The following ELP4 variants were observed in gnomAD, a reference collection of about 807,000 sequenced individuals.
The protein encoded by ELP4 is elongator acetyltransferase complex subunit 4.
Under a neutral mutation model 48.9 loss-of-function variants are expected in ELP4, and 51 were observed. The ratio of observed to expected loss-of-function variants is 1.04; its 90% CI spans 0.83 to 1.32. The LOEUF is 1.32. Ranked by LOEUF, ELP4 falls within the 40% of genes most tolerant of loss-of-function variation. The pLI is 0.00. For synonymous variants in ELP4, 210 were observed against 189.2 expected (o/e 1.11, Z -0.90); for missense variants, 519 against 514.6 (o/e 1.01, Z -0.08).
intron 9 of ELP4, among the ~76,000 whole-genome samples, chr11:31,656,145 G>A (rs1429865088): frequency 6.6e-6 from 1 of 152,048 alleles, no homozygotes; most frequent in East Asian, 1.9e-4. Context: ...CTTCCAAGAT[G>A]TGGTTGCATA....
Position 31,789,960 on chromosome 11 carries a change from A to C in ELP4, c.*6436A>C. The C allele has an allele frequency of 6.3e-7, 1 of 1,584,908 alleles. No individual in the cohort carries two copies. The highest frequency in any genetic ancestry group is 1.1e-5 in the South Asian group (1 of 89,182). ...TACTGTAATCTTGGCCAGTATTGAG[A>C]CATATCAGGTTCACTTCCGGGAACT... On this transcript the variant is annotated 3_prime_UTR_variant, in exon 10 of 10. Transcript: ENST00000640961.
chr11:31,719,386 A>T (rs1400864087), intron 9 of ELP4: 1 of 396,522 alleles, frequency 2.5e-6, no homozygotes, highest in African/African-American at 2.1e-5. Flanking sequence ...TAGATGAAAC[A>T]TCATTTGTCT....
In ELP4 at chr11:31,775,066, T is replaced by A. The variant is rs191677345; in HGVS notation, c.1144-8327T>A. On this transcript the variant is annotated intron_variant, in intron 9 of 9. Transcript: ENST00000640961. ...ATTTCAGCAAGTGGGAAGAGGGAAG[T>A]TAGATTCATCCCTAACATTCAAAGA... Among the ~76,000 whole-genome samples, 8 of 152,314 alleles carry A rather than the reference T, an allele frequency of 5.3e-5. 1 individual carries two copies. In the East Asian group the frequency reaches 1.5e-3, roughly 29 times the overall value.
At chr11:31,729,039 T>A (rs934385076) in intron 9 of ELP4, among the ~76,000 whole-genome samples, 7 of 152,128 alleles carry the variant, frequency 4.6e-5, no homozygotes, top group Non-Finnish European at 8.8e-5. Context: ...GAGGAGAAAA[T>A]TCTAAGGTAT....
chr11:31,648,909 C>G (rs1378717753), intron 8 of ELP4: 1 of 151,352 alleles, frequency 6.6e-6, no homozygotes, highest in Non-Finnish European at 1.5e-5. Flanking sequence ...TTAATTTATT[C>G]TATAAGGCCT....
chr11:31,697,581 T>A (rs192452149), intron 9 of ELP4, among the ~76,000 whole-genome samples: 1 of 152,240 alleles, frequency 6.6e-6, no homozygotes, highest in African/African-American at 2.4e-5. Context: ...AATAAAGTAT[T>A]TGTAGTCATT....
intron 9 of ELP4, among the ~76,000 whole-genome samples, chr11:31,743,279 C>CT (rs1947500491): frequency 6.6e-6 from 1 of 152,170 alleles, no homozygotes; most frequent in South Asian, 2.1e-4. Context: ...GAGACTTAGA[C>CT]TCCCACACAA....
chr11:31,709,903 A>T (rs1161038544), intron 9 of ELP4, among the ~76,000 whole-genome samples: 1 of 152,230 alleles, frequency 6.6e-6, no homozygotes, highest in African/African-American at 2.4e-5. Context: ...TGTATTGAGA[A>T]TGCTGTAGGA....
At chr11:31,747,965 A>T (rs183137688) in intron 9 of ELP4, among the ~76,000 whole-genome samples, 1 of 152,254 alleles carries the variant, frequency 6.6e-6, no homozygotes, top group Non-Finnish European at 1.5e-5. Flanking sequence ...AAGACAAAGC[A>T]TATTAAAGCT....
chr11:31,737,453 A>G (rs1005473099), intron 9 of ELP4, among the ~76,000 whole-genome samples: 3 of 151,990 alleles, frequency 2.0e-5, no homozygotes, highest in Non-Finnish European at 4.4e-5. Context: ...ATGTACCCTA[A>G]AACTTAAAGT....
chr11:31,639,243 G>A lies in ELP4; in HGVS notation c.927+6838G>A, dbSNP rs191443626. 1.1e-4 allele frequency among the ~76,000 whole-genome samples: 17 copies of A among 151,888 alleles called. No homozygotes were observed. The East Asian group carries it at 3.1e-3, about 28-fold the overall frequency. On this transcript the variant is annotated intron_variant, in intron 7 of 9. Transcript: ENST00000640961. ...TTAACGACTCTGAAATTGATTATAA[G>A]AAATTTACGTATTTAAGAGTTTAAA...
At chr11:31,559,009 A>T (rs1956974042) in intron 3 of ELP4, among the ~76,000 whole-genome samples, 1 of 152,312 alleles carries the variant, frequency 6.6e-6, no homozygotes, top group African/African-American at 2.4e-5. Context: ...AACCAGAGGC[A>T]TTAAAACTAA....
chr11:31,522,091 A>T (rs1168269966), intron 2 of ELP4, among the ~76,000 whole-genome samples: 2 of 152,230 alleles, frequency 1.3e-5, no homozygotes, highest in East Asian at 3.8e-4. Context: ...GTCACCCATG[A>T]GTCATTAAAG....
intron 3 of ELP4, among the ~76,000 whole-genome samples, chr11:31,544,554 G>A (rs1956660772): frequency 6.6e-6 from 1 of 152,192 alleles, no homozygotes; most frequent in Non-Finnish European, 1.5e-5. Context: ...GCCTCTGTAG[G>A]CTCCACCTCT....
At chr11:31,588,094 ACTATC>A (rs1054943372) in intron 3 of ELP4, among the ~76,000 whole-genome samples, 2 of 152,106 alleles carry the variant, frequency 1.3e-5, no homozygotes, top group African/African-American at 4.8e-5. Flanking sequence ...ATTTGCATAA[ACTATC>A]ATATTGTTTA....
intron 9 of ELP4, among the ~76,000 whole-genome samples, chr11:31,725,210 T>C (rs913690111): frequency 2.0e-5 from 3 of 152,212 alleles, no homozygotes; most frequent in Admixed American, 6.5e-5. Flanking sequence ...CTGTGATGCA[T>C]CCACATCATA....
At chr11:31,744,274 C>A (rs1947526430) in intron 9 of ELP4, among the ~76,000 whole-genome samples, 1 of 152,090 alleles carries the variant, frequency 6.6e-6, no homozygotes, top group African/African-American at 2.4e-5. Context: ...AAAAAAAGCT[C>A]AGGATCAGAT....
At chr11:31,684,672 G>C (rs566046603) in intron 9 of ELP4, among the ~76,000 whole-genome samples, 2 of 152,118 alleles carry the variant, frequency 1.3e-5, no homozygotes, top group Non-Finnish European at 2.9e-5. Flanking sequence ...AATAACACTA[G>C]TGCAGATGGG....
intron 5 of ELP4, among the ~76,000 whole-genome samples, chr11:31,605,420 G>A (rs999729834): frequency 3.3e-5 from 5 of 152,000 alleles, no homozygotes; most frequent in Non-Finnish European, 5.9e-5. Context: ...AGAAGCTTGC[G>A]AAATAGGTCA....
Sources: gnomAD v4.1 joint callset for allele counts (sites outside exome capture counted in the v4.1 genomes callset) on GRCh38, gnomAD v4.1.1 for gene constraint, MANE v1.5 for transcripts, NCBI Gene and HGNC (gene_info 2026-07-23, HGNC 2026-07-21) for gene names.